Variants in ATP11A observed in about 807,000 individuals in gnomAD.
The protein encoded by ATP11A is phospholipid-transporting ATPase IH.
In ATP11A, 81 loss-of-function variants were observed where a neutral mutation model predicts 154.4. The ratio of observed to expected loss-of-function variants is 0.52; its 90% confidence interval spans 0.44 to 0.63. The LOEUF (loss-of-function observed/expected upper bound fraction) is 0.63. Ranked by LOEUF, ATP11A falls within the 30% of genes least tolerant of loss-of-function variation. The pLI is 0.00. For missense variants in ATP11A, 1,316 were observed against 1,474.3 expected (o/e 0.89, Z 1.76); for synonymous variants, 623 against 585.9 (o/e 1.06, Z -0.91).
chr13:112,710,986 G>T (rs1232254888), intron 1 of ATP11A, among the ~76,000 whole-genome samples: 1 of 6,680 alleles, frequency 1.5e-4, no homozygotes, highest in Non-Finnish European at 8.1e-4. Flanking sequence ...CCCACCCACC[G>T]CTGTTTGAAG....
rs200145702 is a variant in ATP11A at position 112,875,787 on chromosome 13, A to G, written c.3173A>G (p.Asn1058Ser). 4.3e-5 allele frequency: 69 copies of G among 1,613,364 alleles called. No individual in the cohort carries two copies. The highest frequency in any genetic ancestry group is 9.3e-6 in the Non-Finnish European group (11 of 1,179,658). The change falls in exon 28 of 30, where the codon AAC (asparagine) becomes AGC (serine). Residue 1058 changes from asparagine (N) to serine (S), a missense_variant. This residue lies in a region of ATP11A where 294 missense variants were observed against 290.2 expected (regional missense o/e 1.01). Transcript: ENST00000375645. The surrounding 1 kb of genome is among the most constrained non-coding windows in gnomAD (Gnocchi z 4.1). Reference protein sequence around the residue: ...LWGGVIWPFLNYQRMYYVFIQ... With the variant: ...LWGGVIWPFLSYQRMYYVFIQ... ...TCCCTGCCCCTCAGGCCGTTCCTCA[A>G]CTACCAGAGGATGTACTACGTGTTC...
Position 112,690,585 on chromosome 13 carries a change from C to T in ATP11A, c.39+130C>T. 2 of 859,922 alleles carry T rather than the reference C, an allele frequency of 2.3e-6. No homozygotes were observed. Among genetic ancestry groups the T allele is most frequent in the Non-Finnish European group, 3.1e-6 (2 of 653,518 alleles). 53.3% of individuals were successfully genotyped at this position (859,922 alleles called of 1,614,324 possible). A position where few individuals can be genotyped will look rare whatever the true frequency, so the allele number is the denominator to read the frequency against. ...TCTCCGATGTCTGGGACTCGGACCG[C>T]CCCCGGGGACGAGCGGGATGCTGGG... On this transcript the variant is annotated intron_variant, in intron 1 of 29. Transcript: ENST00000375645. The surrounding 1 kb of genome is among the most constrained non-coding windows in gnomAD (Gnocchi z 5.6).
rs577348222 is a variant in ATP11A at position 112,859,607 on chromosome 13, C to T, written c.2727+155C>T. ...CCAGCAGCAGGCGGGGGTGAAGGGT[C>T]GGGCCTGGGGAGGGGGGCCACGGAG... On this transcript the variant is annotated intron_variant, in intron 23 of 29. Transcript: ENST00000375645. This position sits in a 1 kb window ranked among gnomAD's most constrained non-coding sequence, Gnocchi z 4.3. Among the ~76,000 whole-genome samples, 7 of 151,350 alleles carry T rather than the reference C, an allele frequency of 4.6e-5. No individual in the cohort carries two copies. The highest frequency in any genetic ancestry group is 7.4e-5 in the Non-Finnish European group (5 of 67,818).
chr13:112,867,564 G>T (rs2080377111), intron 25 of ATP11A, among the ~76,000 whole-genome samples: 1 of 152,174 alleles, frequency 6.6e-6, no homozygotes, highest in African/African-American at 2.4e-5. Context: ...CGCCTTCTCG[G>T]ATCCCTGGAC....
At chr13:112,806,100 G>A in intron 3 of ATP11A, 113 bp from the exon 4 acceptor site, 1 of 707,302 alleles carries the variant, frequency 1.4e-6, no homozygotes. Context: ...TGCCAGCAAA[G>A]GTCTTTAAAT....
rs773886514 is a variant in ATP11A at position 112,831,402 on chromosome 13, G to A, written c.1249G>A (p.Gly417Ser). 9 of 1,614,052 alleles carry A rather than the reference G, an allele frequency of 5.6e-6. No individual in the cohort carries two copies. Among genetic ancestry groups the A allele is most frequent in the East Asian group, 4.5e-5 (2 of 44,896 alleles). ...GGAGTACATCTTCACAGACAAGACC[G>A]GCACCCTCACGGAAAACAACATGGA... Reference protein sequence around the residue: ...QVEYIFTDKTGTLTENNMEFK... With the variant: ...QVEYIFTDKTSTLTENNMEFK... The change falls in exon 13 of 30, where the codon GGC becomes AGC. Residue 417 changes from glycine (G) to serine (S), a missense_variant. Physicochemically the swap from Gly to Ser is moderately conservative, Grantham distance 56. This residue lies in a region of ATP11A where 876 missense variants were observed against 1,006.8 expected (regional missense o/e 0.87). Transcript: ENST00000375645.
chr13:112,703,614 G>T (rs1481563518), intron 1 of ATP11A, among the ~76,000 whole-genome samples: 1 of 152,182 alleles, frequency 6.6e-6, no homozygotes, highest in African/African-American at 2.4e-5. Flanking sequence ...TAGTGAGAAT[G>T]GGTTATTTTT....
At position 112,875,468 on chromosome 13, in the gene ATP11A, C is replaced by T. The variant is rs1394846109; in HGVS notation, c.3162-308C>T. ...TCAAGATAGAAAAACATCCCTATTT[C>T]AATCCCTTTGTGTTTTGTTTTTTGT... On this transcript the variant is annotated intron_variant, in intron 27 of 29. Coordinates refer to ENST00000375645, the MANE Select transcript of ATP11A (RefSeq NM_015205.3). The surrounding 1 kb of genome is among the most constrained non-coding windows in gnomAD (Gnocchi z 4.1). Among the ~76,000 whole-genome samples the T allele has an allele frequency of 6.9e-6, 1 of 144,654 alleles. No homozygotes were observed. The highest frequency in any genetic ancestry group is 2.6e-5 in the African/African-American group (1 of 38,760). 94.9% of individuals were successfully genotyped at this position (144,654 alleles called of 152,430 possible).
chr13:112,867,136 G>A (rs953791686), intron 25 of ATP11A, among the ~76,000 whole-genome samples: 10 of 152,166 alleles, frequency 6.6e-5, no homozygotes, highest in African/African-American at 2.2e-4. Flanking sequence ...GCAATAGCAA[G>A]TCCCCTTTTT....
chr13:112,691,367 G>A (rs1445481445), intron 1 of ATP11A, among the ~76,000 whole-genome samples: 4 of 151,810 alleles, frequency 2.6e-5, no homozygotes, highest in Admixed American at 6.6e-5. Context: ...AGGAGGCTGA[G>A]GCAGGAGAAT....
At chr13:112,709,688 C>T (rs1158144115) in intron 1 of ATP11A, among the ~76,000 whole-genome samples, 1 of 150,670 alleles carries the variant, frequency 6.6e-6, no homozygotes, top group African/African-American at 2.4e-5. Flanking sequence ...TGAGTTGTCT[C>T]GCCTTTCTGA....
chr13:112,786,189 T>G (rs12877341), intron 2 of ATP11A, among the ~76,000 whole-genome samples: 2 of 53,534 alleles, frequency 3.7e-5, no homozygotes. Flanking sequence ...CCTGCATTCA[T>G]ACTCCATTTA....
chr13:112,867,248 G>A (rs2080364926), intron 25 of ATP11A, among the ~76,000 whole-genome samples: 1 of 152,254 alleles, frequency 6.6e-6, no homozygotes, highest in African/African-American at 2.4e-5. Flanking sequence ...TGAGGAAAGA[G>A]AAGTTCGGAC....
chr13:112,826,642 G>C lies in ATP11A; in HGVS notation c.1024-52G>C, dbSNP rs368105589. On this transcript the variant is annotated intron_variant, in intron 11 of 29. Coordinates refer to ENST00000375645, the MANE Select transcript of ATP11A (RefSeq NM_015205.3). ...GAGGTGTTAGAGCAGCATGTTGGAG[G>C]CCTGCTGTCCCTCCTGGTGGAGGTG... 1.9e-5 allele frequency: 28 copies of C among 1,453,082 alleles called. No homozygotes were observed. The East Asian group carries it at 2.7e-4, about 14-fold the overall frequency. 90.0% of individuals were successfully genotyped at this position (1,453,082 alleles called of 1,614,324 possible).
intron 12 of ATP11A, among the ~76,000 whole-genome samples, chr13:112,827,119 C>G (rs756425336): frequency 6.6e-6 from 1 of 152,216 alleles, no homozygotes; most frequent in African/African-American, 2.4e-5. Context: ...CTCATTGGAG[C>G]TTCCTGGGCA....
chr13:112,857,247 A>G (rs539426440), intron 20 of ATP11A, among the ~76,000 whole-genome samples: 14 of 152,202 alleles, frequency 9.2e-5, no homozygotes, highest in South Asian at 2.1e-4. Context: ...GATGGGGGGG[A>G]AAAGATTATA....
chr13:112,884,958 C>T lies in ATP11A; in HGVS notation c.*3092C>T, dbSNP rs983565737. The T allele has an allele frequency of 6.6e-6, 1 of 152,442 alleles. No homozygotes were observed. The highest frequency in any genetic ancestry group is 2.4e-5 in the African/African-American group (1 of 41,452). 9.4% of individuals were successfully genotyped at this position (152,442 alleles called of 1,614,324 possible). A position where few individuals can be genotyped will look rare whatever the true frequency, so the allele number is the denominator to read the frequency against. On this transcript the variant is annotated 3_prime_UTR_variant, in exon 30 of 30. Transcript: ENST00000375645. ...GCTCCACGCTCACTCATAGCCATGT[C>T]CACATGGGGGCTTGCACACAGGATC...
rs536418516 is a variant in ATP11A at position 112,865,119 on chromosome 13, C to T, written c.2991+2544C>T. On this transcript the variant is annotated intron_variant, in intron 25 of 29. Coordinates refer to ENST00000375645, the MANE Select transcript of ATP11A (RefSeq NM_015205.3). Reference sequence around the variant, plus strand: ...CAGTGCAGCCCATGCAGCTTCCCAGCGGGGTCCATCACCACCTGCGCAGTA... The same window carrying T: ...CAGTGCAGCCCATGCAGCTTCCCAGTGGGGTCCATCACCACCTGCGCAGTA... 7.7e-5 allele frequency among the ~76,000 whole-genome samples: 8 copies of T among 103,954 alleles called. 1 individual carries two copies. The highest frequency in any genetic ancestry group is 2.9e-4 in the African/African-American group (8 of 27,816). 68.2% of individuals were successfully genotyped at this position (103,954 alleles called of 152,430 possible).
chr13:112,818,324 G>A (rs868641520), intron 6 of ATP11A, among the ~76,000 whole-genome samples: 2 of 147,560 alleles, frequency 1.4e-5, no homozygotes, highest in Admixed American at 6.7e-5. Context: ...GTGACGGGGC[G>A]GTGACCGTTG....
Sources: gnomAD v4.1 joint callset for allele counts (sites outside exome capture counted in the v4.1 genomes callset) on GRCh38, gnomAD v4.1.1 for gene constraint, gnomAD v4.1.1 regional missense constraint, Gnocchi (gnomAD v3.1) non-coding constraint, MANE v1.5 for transcripts, NCBI Gene and HGNC (gene_info 2026-07-23, HGNC 2026-07-21) for gene names.